SIGLEC1: variants seen among roughly 807,000 people sequenced by gnomAD.
The protein encoded by SIGLEC1 is sialoadhesin.
SIGLEC1 carries 132 observed loss-of-function variants against 148.0 expected under a neutral mutation model. The observed-to-expected ratio is 0.89, with a 90% confidence interval of 0.77 to 1.03. SIGLEC1 has a LOEUF of 1.03. Among genes scored for constraint, SIGLEC1 ranks in the 50% least tolerant of loss-of-function variants. The probability of loss-of-function intolerance (pLI) is 0.00; values close to 1 mark genes in which losing one functional copy is unlikely to be tolerated. For missense variants in SIGLEC1, 2,253 were observed against 2,271.4 expected (o/e 0.99, Z 0.16); for synonymous variants, 945 against 969.0 (o/e 0.98, Z 0.46).
rs759202225 is a variant in SIGLEC1, at chr20:3,692,749, C to T, written c.3802G>A (p.Glu1268Lys). ...LEGVRVILAP[E>K]AAVPEGAPIT... is the part of the protein sequence containing the mutation. ...GGGGCACCTTCAGGCACGGCAGCCT[C>T]CGGAGCCAGGATCACCCGCACACCT... The change falls in exon 16 of 22, where the codon GAG becomes AAG. Residue 1268 changes from glutamate to lysine, a missense_variant. Coordinates refer to ENST00000344754, the MANE Select transcript of SIGLEC1 (RefSeq NM_023068.4). 9 of 1,611,262 alleles carry T rather than the reference C, an allele frequency of 5.6e-6. No homozygotes were observed. Among genetic ancestry groups the T allele is most frequent in the Non-Finnish European group, 5.1e-6 (6 of 1,179,504 alleles).
intron 13 of SIGLEC1, among the ~76,000 whole-genome samples, 153 bp from the exon 14 acceptor site, chr20:3,693,851 G>C (rs610704): frequency 7.6e-3 from 1,151 of 152,316 alleles, no homozygotes; most frequent in Middle Eastern, 0.01. Context: ...TGGCTTAGAA[G>C]TCAAGCTTGG....
At chr20:3,702,519 C>T (rs1303401209) in intron 6 of SIGLEC1, among the ~76,000 whole-genome samples, 5 of 151,590 alleles carry the variant, frequency 3.3e-5, no homozygotes, top group South Asian at 2.1e-4. Context: ...GCCCCAGAGG[C>T]GGACATTGCA....
chr20:3,693,789 T>C (rs1399198605), intron 13 of SIGLEC1, 91 bp from the exon 14 acceptor site: 1 of 1,393,738 alleles, frequency 7.2e-7, no homozygotes, highest in African/African-American at 1.4e-5. Flanking sequence ...CTACTCCTAC[T>C]GCTGGGGAGC....
At position 3,689,986 on chromosome 20, in the gene SIGLEC1, T is replaced by C; in HGVS notation, c.4870A>G (p.Thr1624Ala). 6.2e-7 allele frequency: 1 copy of C among 1,612,590 alleles called. No individual in the cohort carries two copies. Among genetic ancestry groups the C allele is most frequent in the Non-Finnish European group, 8.5e-7 (1 of 1,179,662 alleles). The change falls in exon 19 of 22, where the codon ACC becomes GCC. Residue 1624 changes from threonine to alanine, a missense_variant. Thr to Ala is a moderately conservative substitution (Grantham distance 58). Coordinates refer to ENST00000344754, the MANE Select transcript of SIGLEC1 (RefSeq NM_023068.4). ...CCTCTGACCCCAAAGTAGGTGGAGG[T>C]AGAGGCAGAGCCCAGGACATTTGAG... ...SASNVLGSASTSTYFGVRALH... is the reference protein window; with the variant it reads ...SASNVLGSASASTYFGVRALH...
At position 3,692,958 on chromosome 20, in the gene SIGLEC1, G is replaced by A. The variant is rs753186487; in HGVS notation, c.3682C>T (p.Leu1228=). 1 of 1,612,652 alleles carries A rather than the reference G, an allele frequency of 6.2e-7. No individual in the cohort carries two copies. Among genetic ancestry groups the A allele is most frequent in the South Asian group, 1.1e-5 (1 of 91,084 alleles). ...TCATCCCTGGGCTGTGGCCCTCGCA[G>A]CTCCAGGCGCAGGGTGTTGGGGACA... The part of the protein sequence containing the change: ...ASVPNTLRLE[L]RGPQPRDEGF... Residue 1228 remains leucine, a synonymous_variant, in exon 15 of 22, where the codon CTG becomes TTG. Transcript: ENST00000344754.
chr20:3,706,289 G>A, intron 3 of SIGLEC1, 58 bp downstream of exon 3: 1 of 1,557,420 alleles, frequency 6.4e-7, no homozygotes, highest in South Asian at 1.2e-5. Context: ...GAGCCAAGGG[G>A]TCCAGAAGCA....
chr20:3,703,143 A>G (rs781638845), intron 6 of SIGLEC1, 54 bp downstream of exon 6: 33 of 1,608,844 alleles, frequency 2.1e-5, no homozygotes, highest in Non-Finnish European at 2.8e-5. Flanking sequence ...TTGGGGCTCC[A>G]CCATCTGGTC....
rs780301277 is a variant in SIGLEC1, at chr20:3,694,730, A to G, written c.2877T>C (p.His959=). ...AITLTQAGAY[H]CQAQAPGSAT... Reference sequence around the variant, plus strand: ...CTGAGCCTGGGGCCTGGGCTTGGCAATGATAGGCCCCAGCTTGTGTCAAAG... The same window carrying G: ...CTGAGCCTGGGGCCTGGGCTTGGCAGTGATAGGCCCCAGCTTGTGTCAAAG... The change falls in exon 12 of 22, where the codon CAT becomes CAC. Residue 959 remains histidine, a synonymous_variant. Coordinates refer to ENST00000344754, the MANE Select transcript of SIGLEC1 (RefSeq NM_023068.4). The G allele has an allele frequency of 1.9e-6, 3 of 1,613,850 alleles. No individual in the cohort carries two copies. The East Asian group carries it at 6.7e-5, about 36-fold the overall frequency.
At position 3,689,993 on chromosome 20, in the gene SIGLEC1, A is replaced by T. The variant is rs748749172; in HGVS notation, c.4863T>A (p.Ser1621=). 7 of 1,613,002 alleles carry T rather than the reference A, an allele frequency of 4.3e-6. No individual in the cohort carries two copies. The highest frequency in any genetic ancestry group is 3.3e-5 in the Admixed American group (2 of 59,952). ...CCCCAAAGTAGGTGGAGGTAGAGGCAGAGCCCAGGACATTTGAGGCAGAAC... is the reference window on the plus strand; with the variant it reads ...CCCCAAAGTAGGTGGAGGTAGAGGCTGAGCCCAGGACATTTGAGGCAGAAC... ...YICSASNVLG[S]ASTSTYFGVR... The change falls in exon 19 of 22, where the codon TCT becomes TCA. Residue 1621 remains serine, a synonymous_variant. Transcript: ENST00000344754.
intron 2 of SIGLEC1, 118 bp from the exon 3 acceptor site, chr20:3,706,824 C>T: frequency 7.8e-7 from 1 of 1,289,294 alleles, no homozygotes; most frequent in Non-Finnish European, 1.0e-6. Flanking sequence ...TTCTGCCCTG[C>T]CCCGAGAAAT....
intron 11 of SIGLEC1, among the ~76,000 whole-genome samples, chr20:3,695,762 G>A (rs2088814753): frequency 6.6e-6 from 1 of 152,082 alleles, no homozygotes; most frequent in Non-Finnish European, 1.5e-5. Flanking sequence ...ATGTTCCTTT[G>A]ACCTTCGCAT....
intron 1 of SIGLEC1, among the ~76,000 whole-genome samples, chr20:3,707,805 G>A (rs758890926): frequency 1.4e-4 from 21 of 152,200 alleles, no homozygotes; most frequent in Non-Finnish European, 2.8e-4. Flanking sequence ...CACTCTGGGG[G>A]CAGTTCTGTC....
rs758199058 is a variant in SIGLEC1, at chr20:3,697,388, GAGCCAGGGGTCCAGCCGCCC to G, written c.2123-66_2123-47del. 2.1e-5 allele frequency: 33 copies of G among 1,606,926 alleles called. No homozygotes were observed. In the South Asian group the frequency reaches 3.5e-4, roughly 17 times the overall value. On this transcript the variant is annotated intron_variant, in intron 9 of 21. Coordinates refer to ENST00000344754, the MANE Select transcript of SIGLEC1 (RefSeq NM_023068.4). Reference sequence around the variant, plus strand: ...CTTACTGACCACCCCCGGCCCCCAGGAGCCAGGGGTCCAGCCGCCCAGCCTGGAAGGAGCAGGAAGGAGGC... The same window carrying G: ...CTTACTGACCACCCCCGGCCCCCAGGAGCCTGGAAGGAGCAGGAAGGAGGC...
chr20:3,712,554 C>A lies in SIGLEC1; in HGVS notation c.-194G>T, dbSNP rs2087935135. Among the ~76,000 whole-genome samples the A allele has an allele frequency of 6.6e-6, 1 of 152,158 alleles. No homozygotes were observed. Among genetic ancestry groups the A allele is most frequent in the Admixed American group, 6.5e-5 (1 of 15,276 alleles). Reference sequence around the variant, plus strand: ...GGACGGCCAAGAGCTCCTGGTGCAGCTGGCTCCCCAGGGCTCTGCCGGCTC... The same window carrying A: ...GGACGGCCAAGAGCTCCTGGTGCAGATGGCTCCCCAGGGCTCTGCCGGCTC... On this transcript the variant is annotated 5_prime_UTR_variant, in exon 1 of 22. Coordinates refer to ENST00000344754, the MANE Select transcript of SIGLEC1 (RefSeq NM_023068.4).
At chr20:3,705,485 A>G (rs147573892) in intron 4 of SIGLEC1, among the ~76,000 whole-genome samples, 164 of 152,108 alleles carry the variant, frequency 1.1e-3, no homozygotes, top group Middle Eastern at 3.4e-3. Context: ...CTGTTCCCCA[A>G]CCCTTTGTGT....
chr20:3,692,227 G>A, intron 16 of SIGLEC1, 25 bp from the exon 17 acceptor site: 1 of 1,521,098 alleles, frequency 6.6e-7, no homozygotes, highest in Non-Finnish European at 8.8e-7. Flanking sequence ...GGCACAGATG[G>A]GGACCTTGCT....
intron 1 of SIGLEC1, among the ~76,000 whole-genome samples, chr20:3,711,063 G>A (rs960942195): frequency 2.9e-4 from 44 of 152,234 alleles, no homozygotes; most frequent in Non-Finnish European, 1.0e-4. Flanking sequence ...TAGTGAGCAC[G>A]CAGCGCCCCC....
At chr20:3,688,690 C>T in intron 21 of SIGLEC1, 71 bp from the exon 22 acceptor site, 5 of 1,229,410 alleles carry the variant, frequency 4.1e-6, no homozygotes, top group Non-Finnish European at 5.7e-6. Context: ...CCCCCAGCCT[C>T]AGGTGGGGTC....
rs2146533147 is a variant in SIGLEC1, at chr20:3,707,705, A to T, written c.-109-468T>A. Reference sequence around the variant, plus strand: ...TTAACAGTCACTCCCCTGCTCAAAAACCTTCTGTGGCTCCCCATTGCCCGT... The same window carrying T: ...TTAACAGTCACTCCCCTGCTCAAAATCCTTCTGTGGCTCCCCATTGCCCGT... On this transcript the variant is annotated intron_variant, in intron 1 of 21. Transcript: ENST00000344754. 1.3e-5 allele frequency among the ~76,000 whole-genome samples: 2 copies of T among 152,024 alleles called. 1 individual carries two copies. Among genetic ancestry groups the T allele is most frequent in the South Asian group, 4.2e-4 (2 of 4,818 alleles).
Sources: gnomAD v4.1 joint callset for allele counts (sites outside exome capture counted in the v4.1 genomes callset) on GRCh38, gnomAD v4.1.1 for gene constraint, MANE v1.5 for transcripts, NCBI Gene and HGNC (gene_info 2026-07-23, HGNC 2026-07-21) for gene names.